ARMH3: variants seen among roughly 807,000 people sequenced by gnomAD.
The protein encoded by ARMH3 is armadillo-like helical domain-containing protein 3.
A neutral mutation model predicts 99.1 loss-of-function variants in ARMH3; 60 were observed. The ratio of observed to expected loss-of-function variants is 0.61; its 90% CI spans 0.49 to 0.75. ARMH3 has a LOEUF of 0.75. ARMH3 is among the 30% of genes least tolerant of loss of function. The pLI, the probability that ARMH3 is intolerant of heterozygous loss-of-function variation, is 0.00. For synonymous variants in ARMH3, 285 were observed against 292.8 expected (o/e 0.97, Z 0.27); for missense variants, 679 against 843.1 (o/e 0.81, Z 2.41).
At chr10:101,999,617 T>C (rs568930853) in intron 15 of ARMH3, among the ~76,000 whole-genome samples, 2 of 152,254 alleles carry the variant, frequency 1.3e-5, no homozygotes, top group South Asian at 2.1e-4. Context: ...TGGGGACAAA[T>C]GGGGATACTG....
intron 15 of ARMH3, among the ~76,000 whole-genome samples, chr10:101,997,215 A>G (rs1847101595): frequency 6.6e-6 from 1 of 151,756 alleles, no homozygotes; most frequent in Non-Finnish European, 1.5e-5. Context: ...CAGTGAGCCG[A>G]GAAGATCATG....
chr10:102,050,221 T>G (rs557582345), intron 1 of ARMH3, among the ~76,000 whole-genome samples: 1 of 151,904 alleles, frequency 6.6e-6, no homozygotes, highest in Non-Finnish European at 1.5e-5. Flanking sequence ...GGAGGGCAGA[T>G]CACAAGGTCA....
At chr10:101,956,131 CA>C (rs948965528) in intron 22 of ARMH3, among the ~76,000 whole-genome samples, 1 of 151,942 alleles carries the variant, frequency 6.6e-6, no homozygotes, top group African/African-American at 2.4e-5. Flanking sequence ...AGCCAATCAC[CA>C]AAAGATTTGC....
chr10:101,887,086 C>T (rs1401095566), intron 24 of ARMH3, among the ~76,000 whole-genome samples: 1 of 152,192 alleles, frequency 6.6e-6, no homozygotes. Flanking sequence ...CCAACACATG[C>T]TGGAGATTAA....
rs531863618 is a variant in ARMH3 at position 101,915,587 on chromosome 10, G to A, written c.1781+24276C>T. On this transcript the variant is annotated intron_variant, in intron 23 of 25. Coordinates refer to ENST00000370033, the MANE Select transcript of ARMH3 (RefSeq NM_024541.3). ...ACACACAGTTCAGATCACTGGAGAC[G>A]TGGCAGAAAGGGAGGAAGGAGGCAC... 1.1e-4 allele frequency among the ~76,000 whole-genome samples: 16 copies of A among 152,236 alleles called. No homozygotes were observed. In the East Asian group the frequency reaches 2.5e-3, roughly 24 times the overall value.
At chr10:101,991,439 G>A (rs1177689103) in intron 18 of ARMH3, among the ~76,000 whole-genome samples, 1 of 151,870 alleles carries the variant, frequency 6.6e-6, no homozygotes, top group East Asian at 1.9e-4. Context: ...GGAGTGCAAT[G>A]CCGTGATCTT....
chr10:102,055,239 G>C (rs2136316549), intron 1 of ARMH3, among the ~76,000 whole-genome samples: 1 of 152,072 alleles, frequency 6.6e-6, no homozygotes, highest in African/African-American at 2.4e-5. Context: ...AGAGGTTGTG[G>C]TAAGCCGAGA....
intron 1 of ARMH3, among the ~76,000 whole-genome samples, chr10:102,055,326 TA>T (rs1363484837): frequency 2.4e-4 from 32 of 135,452 alleles, no homozygotes; most frequent in South Asian, 4.9e-4. Context: ...AATAAATAAA[TA>T]AAATAAAATA....
chr10:101,983,118 G>A, intron 19 of ARMH3, among the ~76,000 whole-genome samples: 1 of 152,114 alleles, frequency 6.6e-6, no homozygotes, highest in Non-Finnish European at 1.5e-5. Context: ...GTATGTTGAG[G>A]TGACTGACGG....
At chr10:101,849,012 G>A (rs1254072729) in intron 25 of ARMH3, among the ~76,000 whole-genome samples, 2 of 152,160 alleles carry the variant, frequency 1.3e-5, no homozygotes, top group African/African-American at 2.4e-5. Context: ...GATCTAATAC[G>A]CAGTGCCTTC....
intron 1 of ARMH3, among the ~76,000 whole-genome samples, chr10:102,043,919 C>T (rs1338663225): frequency 1.3e-5 from 2 of 151,692 alleles, no homozygotes; most frequent in Non-Finnish European, 1.5e-5. Context: ...AGTTATACAA[C>T]TTTTTTTTGT....
chr10:101,923,343 T>TTAATC (rs1451520670), intron 23 of ARMH3, among the ~76,000 whole-genome samples: 2 of 152,218 alleles, frequency 1.3e-5, no homozygotes, highest in African/African-American at 4.8e-5. Flanking sequence ...CATTTAACAA[T>TTAATC]TAATCTACTG....
At chr10:101,858,731 T>C (rs1238177974) in intron 24 of ARMH3, among the ~76,000 whole-genome samples, 1 of 152,092 alleles carries the variant, frequency 6.6e-6, no homozygotes, top group African/African-American at 2.4e-5. Context: ...GCAGGCAGAG[T>C]GGCAGGCCCT....
chr10:101,849,986 G>GT, intron 24 of ARMH3, 94 bp from the exon 25 acceptor site: 1 of 1,031,510 alleles, frequency 9.7e-7, no homozygotes, highest in Non-Finnish European at 1.5e-6. Flanking sequence ...GGTTTGGTCT[G>GT]TGACAACACC....
At chr10:101,896,100 G>A (rs1306635200) in intron 23 of ARMH3, among the ~76,000 whole-genome samples, 2 of 152,118 alleles carry the variant, frequency 1.3e-5, no homozygotes, top group South Asian at 2.1e-4. Context: ...GTATGGTGGC[G>A]TGTGCCGGTA....
chr10:101,857,248 A>C (rs1443562397), intron 24 of ARMH3, among the ~76,000 whole-genome samples: 1 of 152,186 alleles, frequency 6.6e-6, no homozygotes, highest in African/African-American at 2.4e-5. Context: ...ACTTGAGGTC[A>C]GGAGTTCAAA....
chr10:101,950,783 C>T lies in ARMH3; in HGVS notation c.1705+5814G>A, dbSNP rs116815655. Among the ~76,000 whole-genome samples the T allele has an allele frequency of 2.4e-3, 358 of 152,196 alleles. 3 individuals carry two copies. Among genetic ancestry groups the T allele is most frequent in the African/African-American group, 7.0e-3 (289 of 41,532 alleles). Reference sequence around the variant, plus strand: ...GACACAGAGAATAGATTAGTGATTGCCTAGAGCTCAGGAGATTGCAGTAAA... The same window carrying T: ...GACACAGAGAATAGATTAGTGATTGTCTAGAGCTCAGGAGATTGCAGTAAA... On this transcript the variant is annotated intron_variant, in intron 22 of 25. Transcript: ENST00000370033.
chr10:101,901,276 T>C (rs2135498027), intron 23 of ARMH3, among the ~76,000 whole-genome samples: 1 of 149,416 alleles, frequency 6.7e-6, no homozygotes, highest in African/African-American at 2.5e-5. Flanking sequence ...GCCATATGGA[T>C]CACGTACTGG....
chr10:101,856,423 G>A (rs1170314173), intron 24 of ARMH3, among the ~76,000 whole-genome samples: 1 of 152,060 alleles, frequency 6.6e-6, no homozygotes, highest in African/African-American at 2.4e-5. Flanking sequence ...GGCTCGGGGC[G>A]GGGTGCTGAA....
Sources: gnomAD v4.1 joint callset for allele counts (sites outside exome capture counted in the v4.1 genomes callset) on GRCh38, gnomAD v4.1.1 for gene constraint, MANE v1.5 for transcripts, NCBI Gene and HGNC (gene_info 2026-07-23, HGNC 2026-07-21) for gene names.